Variants in ZNF804B observed in about 807,000 individuals in gnomAD.
ZNF804B encodes the protein zinc finger 804B.
A neutral mutation model predicts 101.4 loss-of-function variants in ZNF804B; 80 were observed. That is an observed-to-expected ratio of 0.79 (90% CI 0.66 to 0.95). ZNF804B has a LOEUF of 0.95. Ranked by LOEUF, ZNF804B falls within the 40% of genes least tolerant of loss-of-function variation. ZNF804B has a pLI of 0.00. For missense variants in ZNF804B, 1,673 were observed against 1,561.9 expected (o/e 1.07, Z -1.20); for synonymous variants, 622 against 558.8 (o/e 1.11, Z -1.59).
At chr7:88,863,225 G>A (rs1045464426) in intron 1 of ZNF804B, among the ~76,000 whole-genome samples, 8 of 151,994 alleles carry the variant, frequency 5.3e-5, no homozygotes, top group African/African-American at 1.9e-4. Context: ...TGATACCCCT[G>A]CCCCCGAACC....
intron 1 of ZNF804B, among the ~76,000 whole-genome samples, chr7:88,895,739 C>T (rs527605083): frequency 1.6e-4 from 25 of 152,182 alleles, no homozygotes; most frequent in Middle Eastern, 3.4e-3. Flanking sequence ...CCAAAGGACA[C>T]GGAAGACAAC....
chr7:89,255,590 C>T (rs946760991), intron 2 of ZNF804B, among the ~76,000 whole-genome samples: 1 of 152,126 alleles, frequency 6.6e-6, no homozygotes, highest in African/African-American at 2.4e-5. Flanking sequence ...TGGACTCCTA[C>T]ATCATACTGT....
chr7:88,946,255 C>T (rs1793126224), intron 1 of ZNF804B, among the ~76,000 whole-genome samples: 1 of 151,348 alleles, frequency 6.6e-6, no homozygotes, highest in Non-Finnish European at 1.5e-5. Flanking sequence ...TTTTGAGATA[C>T]ATTCCATCGA....
chr7:89,059,805 G>A (rs1248423082), intron 1 of ZNF804B, among the ~76,000 whole-genome samples: 2 of 152,030 alleles, frequency 1.3e-5, no homozygotes, highest in Admixed American at 6.6e-5. Context: ...CATTATTTTG[G>A]GTGTGTCTGT....
intron 1 of ZNF804B, among the ~76,000 whole-genome samples, chr7:89,040,698 T>C (rs2116247901): frequency 6.6e-6 from 1 of 152,338 alleles, no homozygotes; most frequent in Admixed American, 6.5e-5. Flanking sequence ...TCCTGTGGAC[T>C]TGCATTGGTG....
At chr7:89,127,931 T>C (rs1267918139) in intron 1 of ZNF804B, among the ~76,000 whole-genome samples, 5 of 151,670 alleles carry the variant, frequency 3.3e-5, no homozygotes, top group Non-Finnish European at 7.4e-5. Context: ...ACTTCAGGAT[T>C]TTTTTCTACC....
At chr7:89,193,054 A>G (rs1051770235) in intron 1 of ZNF804B, among the ~76,000 whole-genome samples, 1 of 152,080 alleles carries the variant, frequency 6.6e-6, no homozygotes, top group Non-Finnish European at 1.5e-5. Context: ...CTGAATGGGC[A>G]AAAGCTGGGA....
At chr7:89,047,925 C>T (rs528064533) in intron 1 of ZNF804B, among the ~76,000 whole-genome samples, 2 of 151,582 alleles carry the variant, frequency 1.3e-5, no homozygotes, top group Admixed American at 6.6e-5. Context: ...GATATAGAGC[C>T]TTTTGGTTTG....
At chr7:89,272,785 A>G (rs1685765812) in intron 2 of ZNF804B, among the ~76,000 whole-genome samples, 1 of 152,076 alleles carries the variant, frequency 6.6e-6, no homozygotes, top group African/African-American at 2.4e-5. Context: ...AACAATGTAT[A>G]CACCACCTAC....
intron 1 of ZNF804B, among the ~76,000 whole-genome samples, chr7:89,077,385 G>A (rs1789630955): frequency 6.6e-6 from 1 of 152,098 alleles, no homozygotes. Flanking sequence ...TCTGATAGCT[G>A]TAAGATATAA....
chr7:89,233,626 G>C (rs1359996238), intron 2 of ZNF804B, among the ~76,000 whole-genome samples: 1 of 151,892 alleles, frequency 6.6e-6, no homozygotes, highest in Non-Finnish European at 1.5e-5. Context: ...GAAAAAGAGA[G>C]CTAACTTTTT....
intron 1 of ZNF804B, among the ~76,000 whole-genome samples, chr7:88,996,979 T>G (rs943854118): frequency 6.6e-6 from 1 of 151,968 alleles, no homozygotes; most frequent in African/African-American, 2.4e-5. Flanking sequence ...TGTATGAGAG[T>G]ATGTGTATGT....
intron 1 of ZNF804B, among the ~76,000 whole-genome samples, chr7:88,806,588 C>T (rs1270669598): frequency 6.6e-6 from 1 of 151,504 alleles, no homozygotes; most frequent in Non-Finnish European, 1.5e-5. Context: ...TACCATGGAC[C>T]CACATTTAAT....
intron 1 of ZNF804B, among the ~76,000 whole-genome samples, chr7:89,021,933 G>T (rs1788674383): frequency 6.6e-6 from 1 of 152,200 alleles, no homozygotes; most frequent in Admixed American, 6.5e-5. Context: ...TAATGCTGCT[G>T]TGTGAATTCC....
At chr7:88,892,567 C>G (rs77877419) in intron 1 of ZNF804B, among the ~76,000 whole-genome samples, 1 of 152,030 alleles carries the variant, frequency 6.6e-6, no homozygotes, top group Non-Finnish European at 1.5e-5. Context: ...TACCATTTGC[C>G]TCATTGCAGA....
intron 1 of ZNF804B, among the ~76,000 whole-genome samples, chr7:89,085,557 C>G (rs930950780): frequency 2.0e-5 from 3 of 151,792 alleles, no homozygotes; most frequent in African/African-American, 7.3e-5. Flanking sequence ...TGGGTAAATT[C>G]AATGATGTTT....
intron 1 of ZNF804B, among the ~76,000 whole-genome samples, chr7:89,171,395 CTCT>C (rs778183139): frequency 0.013 from 1,196 of 91,906 alleles, 31 homozygotes; most frequent in Non-Finnish European, 0.02. Context: ...CCTCTTCTTC[CTCT>C]TCTTCTTCTT....
At chr7:89,221,260 C>G (rs532889155) in intron 2 of ZNF804B, among the ~76,000 whole-genome samples, 4 of 152,030 alleles carry the variant, frequency 2.6e-5, no homozygotes, top group East Asian at 1.9e-4. Context: ...TAGATTACGT[C>G]TGTAAAGAGA....
intron 2 of ZNF804B, among the ~76,000 whole-genome samples, chr7:89,255,654 T>C (rs1789618481): frequency 6.6e-6 from 1 of 152,078 alleles, no homozygotes; most frequent in Admixed American, 6.5e-5. Flanking sequence ...TATAGGAAAA[T>C]ATCTTTATAA....
Sources: allele counts gnomAD v4.1 joint callset (sites outside exome capture counted in the v4.1 genomes callset), GRCh38; gene constraint gnomAD v4.1.1; transcripts MANE v1.5; gene names NCBI Gene and HGNC (gene_info 2026-07-23, HGNC 2026-07-21).